The following HMGA2 variants were observed in gnomAD, a reference collection of about 807,000 sequenced individuals.
HMGA2 encodes high mobility group protein HMGI-C.
Under a neutral mutation model 19.1 loss-of-function variants are expected in HMGA2, and 8 were observed. The ratio of observed to expected loss-of-function variants is 0.42; its 90% CI spans 0.25 to 0.76. The LOEUF (loss-of-function observed/expected upper bound fraction) is 0.76. Among genes scored for constraint, HMGA2 ranks in the 30% least tolerant of loss-of-function variants. The pLI, the probability that HMGA2 is intolerant of heterozygous loss-of-function variation, is 0.28. For synonymous variants in HMGA2, 60 were observed against 48.8 expected, an observed-to-expected ratio of 1.23 and a Z score of -0.96; for missense variants, 109 against 136.3, an observed-to-expected ratio of 0.80 and a Z score of 1.00.
At chr12:65,950,789 A>G (rs938202967) in intron 3 of HMGA2, among the ~76,000 whole-genome samples, 2 of 152,378 alleles carry the variant, frequency 1.3e-5, no homozygotes, top group African/African-American at 2.4e-5. Flanking sequence ...TGTGATATAT[A>G]GGCTAAAAAC....
chr12:65,829,518 A>G (rs1303276683), intron 2 of HMGA2, among the ~76,000 whole-genome samples: 1 of 151,976 alleles, frequency 6.6e-6, no homozygotes, highest in Non-Finnish European at 1.5e-5. Flanking sequence ...TACCTAATTT[A>G]CTTTTATTCT....
chr12:65,965,561 C>T lies in HMGA2; in HGVS notation c.*2269C>T, dbSNP rs185347553. ...GCAGATCGCTCACTGTTGTGAATCA[C>T]CAAAGGAGCTATGGAGAGAATTAAA... On this transcript the variant is annotated 3_prime_UTR_variant, in exon 5 of 5. Transcript: ENST00000403681. The T allele has an allele frequency of 2.1e-4, 44 of 212,086 alleles. No individual in the cohort carries two copies. Among genetic ancestry groups the T allele is most frequent in the Non-Finnish European group, 3.3e-4 (34 of 104,468 alleles). The allele number at this position is 212,086 out of a possible 1,614,324, so 13.1% of individuals were successfully genotyped here. A position where few individuals can be genotyped will look rare whatever the true frequency, so the allele number is the denominator to read the frequency against.
intron 3 of HMGA2, among the ~76,000 whole-genome samples, chr12:65,911,114 T>C (rs563864968): frequency 6.6e-6 from 1 of 152,310 alleles, no homozygotes; most frequent in Admixed American, 6.5e-5. Context: ...AAAGCTGATA[T>C]CGAACAATAG....
intron 3 of HMGA2, among the ~76,000 whole-genome samples, chr12:65,942,431 A>G (rs1031763555): frequency 6.6e-6 from 1 of 152,186 alleles, no homozygotes; most frequent in Non-Finnish European, 1.5e-5. Flanking sequence ...GTGTGTATAC[A>G]TATATATGTA....
At chr12:65,854,487 A>T (rs997514519) in intron 3 of HMGA2, among the ~76,000 whole-genome samples, 3 of 152,162 alleles carry the variant, frequency 2.0e-5, no homozygotes, top group African/African-American at 7.2e-5. Context: ...CCAGTTTCGC[A>T]TGTACTTATT....
chr12:65,830,269 G>A (rs1232911014), intron 2 of HMGA2, among the ~76,000 whole-genome samples: 1 of 151,846 alleles, frequency 6.6e-6, no homozygotes, highest in Non-Finnish European at 1.5e-5. Flanking sequence ...AATTTGTTGA[G>A]TATGTTACTA....
intron 1 of HMGA2, among the ~76,000 whole-genome samples, chr12:65,827,529 A>G (rs574429729): frequency 6.8e-6 from 1 of 146,840 alleles, no homozygotes; most frequent in Admixed American, 6.6e-5. Context: ...AGGCAGGTAT[A>G]CAAAGATGAT....
chr12:65,869,765 C>T (rs1385022268), intron 3 of HMGA2, among the ~76,000 whole-genome samples: 2 of 152,104 alleles, frequency 1.3e-5, no homozygotes, highest in Non-Finnish European at 2.9e-5. Flanking sequence ...TCAAAATACA[C>T]CTTTAAAAAC....
rs551638813 is a variant in HMGA2 at position 65,862,062 on chromosome 12, C to G, written c.249+23493C>G. Among the ~76,000 whole-genome samples, 5 of 152,142 alleles carry G rather than the reference C, an allele frequency of 3.3e-5. No homozygotes were observed. In the South Asian group the frequency reaches 1.0e-3, roughly 32 times the overall value. On this transcript the variant is annotated intron_variant, in intron 3 of 4. Transcript: ENST00000403681. ...GTTTCACCATGTTGATCAGGCTGGT[C>G]TTAGTCTTCTGACCTCAGGTGATCC...
At chr12:65,849,736 A>ATTTTTTTTTTTTTTTTTTTTTTT (rs34541445) in intron 3 of HMGA2, among the ~76,000 whole-genome samples, 9 of 85,126 alleles carry the variant, frequency 1.1e-4, no homozygotes, top group African/African-American at 4.9e-4. Context: ...TAGGCTCTGT[A>ATTTTTTTTTTTTTTTTTTTTTTT]TTTTTTTTTT....
At position 65,848,939 on chromosome 12, in the gene HMGA2, C is replaced by T. The variant is rs867228709; in HGVS notation, c.249+10370C>T. 3.3e-5 allele frequency among the ~76,000 whole-genome samples: 5 copies of T among 152,154 alleles called. No individual in the cohort carries two copies. In the South Asian group the frequency reaches 8.3e-4, roughly 25 times the overall value. On this transcript the variant is annotated intron_variant, in intron 3 of 4. Coordinates refer to ENST00000403681, the MANE Select transcript of HMGA2 (RefSeq NM_003483.6). Reference sequence around the variant, plus strand: ...AGTTCCCAGAAAACCCAAATATCTTCAATATTAAGGCAGTTCCCCAGTGCA... The same window carrying T: ...AGTTCCCAGAAAACCCAAATATCTTTAATATTAAGGCAGTTCCCCAGTGCA...
At chr12:65,959,763 G>C (rs1876699077) in intron 4 of HMGA2, among the ~76,000 whole-genome samples, 1 of 152,154 alleles carries the variant, frequency 6.6e-6, no homozygotes, top group Non-Finnish European at 1.5e-5. Flanking sequence ...TTACTTCAAG[G>C]CTCCTCTTGG....
intron 2 of HMGA2, among the ~76,000 whole-genome samples, chr12:65,836,711 A>G (rs915097163): frequency 1.3e-5 from 2 of 152,172 alleles, no homozygotes; most frequent in Non-Finnish European, 2.9e-5. Context: ...TTGGGACTGA[A>G]GGTAAGACAA....
At chr12:65,952,304 A>AT in intron 4 of HMGA2, 2 of 1,325,970 alleles carry the variant, frequency 1.5e-6, no homozygotes, top group Non-Finnish European at 2.1e-6. Flanking sequence ...TATCCATGAA[A>AT]TTTTTTTCCC....
intron 4 of HMGA2, chr12:65,953,977 G>A (rs1469185232): frequency 1.3e-5 from 2 of 152,118 alleles, no homozygotes; most frequent in Non-Finnish European, 2.9e-5. Context: ...ATTCAGAATC[G>A]CTTTTGAGGT....
intron 3 of HMGA2, among the ~76,000 whole-genome samples, chr12:65,898,761 G>A (rs1349547099): frequency 2.4e-4 from 36 of 152,066 alleles, no homozygotes; most frequent in East Asian, 3.9e-4. Flanking sequence ...TAAAGATGAG[G>A]AGGCCGGGCG....
intron 3 of HMGA2, chr12:65,842,327 A>G: frequency 1.6e-6 from 1 of 620,738 alleles, no homozygotes; most frequent in South Asian, 1.7e-5. Flanking sequence ...AGCATGGCAC[A>G]TAGGTAGTGC....
chr12:65,909,559 A>G (rs576443997), intron 3 of HMGA2, among the ~76,000 whole-genome samples: 2 of 152,282 alleles, frequency 1.3e-5, no homozygotes, highest in African/African-American at 4.8e-5. Context: ...AGTGGGAAAG[A>G]GATGTCATTA....
chr12:65,828,116 A>G, intron 2 of HMGA2, 29 bp downstream of exon 2: 1 of 1,509,066 alleles, frequency 6.6e-7, no homozygotes, highest in Non-Finnish European at 9.2e-7. Flanking sequence ...AGCTCTCCTA[A>G]CTTCATCAAT....
Sources: allele counts gnomAD v4.1 joint callset (sites outside exome capture counted in the v4.1 genomes callset), GRCh38; gene constraint gnomAD v4.1.1; transcripts MANE v1.5; gene names NCBI Gene and HGNC (gene_info 2026-07-23, HGNC 2026-07-21).